The following ARHGEF11 variants were observed in gnomAD, a reference collection of about 807,000 sequenced individuals.
The protein encoded by ARHGEF11 is Rho guanine nucleotide exchange factor 11.
A neutral mutation model predicts 193.7 loss-of-function variants in ARHGEF11; 55 were observed. The observed-to-expected ratio is 0.28, with a 90% CI of 0.23 to 0.36. The LOEUF (loss-of-function observed/expected upper bound fraction) is 0.36, where lower values mean the gene tolerates loss of function less well. Among genes scored for constraint, ARHGEF11 ranks in the 10% least tolerant of loss-of-function variants. The probability of loss-of-function intolerance (pLI) is 1.00; values close to 1 mark genes in which losing one functional copy is unlikely to be tolerated. For missense variants in ARHGEF11, 1,723 were observed against 2,005.6 expected (o/e 0.86, Z 2.69); for synonymous variants, 693 against 768.0 (o/e 0.90, Z 1.62).
intron 1 of ARHGEF11, among the ~76,000 whole-genome samples, chr1:157,039,345 CTG>C (rs1421995020): frequency 2.0e-5 from 3 of 152,202 alleles, no homozygotes; most frequent in African/African-American, 7.2e-5. Flanking sequence ...AATAAGCAAA[CTG>C]AGGTCGAGGG....
intron 1 of ARHGEF11, among the ~76,000 whole-genome samples, chr1:156,999,258 G>A (rs1666921342): frequency 6.6e-6 from 1 of 152,184 alleles, no homozygotes; most frequent in Admixed American, 6.5e-5. Context: ...AGGAAAATGA[G>A]GTTCAGCTAA....
At chr1:156,945,298 T>G in intron 29 of ARHGEF11, 101 bp from the exon 30 acceptor site, 2 of 1,384,536 alleles carry the variant, frequency 1.4e-6, no homozygotes, top group Middle Eastern at 2.6e-4. Context: ...CTGGCTTGCT[T>G]CAAACCAGCA....
In ARHGEF11 at chr1:156,944,420, G is replaced by T. The variant is rs1215285681; in HGVS notation, c.3005C>A (p.Thr1002Lys). The change falls in exon 31 of 41, where the codon ACA becomes AAA. Residue 1002 changes from threonine (T) to lysine (K), a missense_variant. Physicochemically the swap from Thr to Lys is moderately conservative, Grantham distance 78 (BLOSUM62 -1). This residue lies in a region of ARHGEF11 where 491 missense variants were observed against 654.5 expected (regional missense o/e 0.75). Transcript: ENST00000368194. ...LAAEFKSLDL[T>K]TRKMIHEGPL... ...TCCCTCATGGATCATTTTTCTGGTTGTAAGATCCAGGCTCTGTTAAGGAGA... is the reference window on the plus strand; with the variant it reads ...TCCCTCATGGATCATTTTTCTGGTTTTAAGATCCAGGCTCTGTTAAGGAGA... 1.2e-6 allele frequency: 2 copies of T among 1,613,120 alleles called. No individual in the cohort carries two copies. Among genetic ancestry groups the T allele is most frequent in the East Asian group, 4.5e-5 (2 of 44,742 alleles).
At chr1:156,976,190 A>G (rs990926504) in intron 7 of ARHGEF11, among the ~76,000 whole-genome samples, 5 of 152,112 alleles carry the variant, frequency 3.3e-5, no homozygotes, top group Non-Finnish European at 5.9e-5. Flanking sequence ...TTGTATTTTC[A>G]TATCTTTGTG....
rs766385183 is a variant in ARHGEF11 at position 156,958,999 on chromosome 1, G to A, written c.1379+47C>T. 4.3e-6 allele frequency: 7 copies of A among 1,610,914 alleles called. No homozygotes were observed. In the African/African-American group the frequency reaches 8.0e-5, roughly 18 times the overall value. On this transcript the variant is annotated intron_variant, in intron 16 of 40. Coordinates refer to ENST00000368194, the MANE Select transcript of ARHGEF11 (RefSeq NM_198236.3). The stretch of plus-strand genomic sequence containing the variant: ...AGAGGGAAGGAGCCAGGGCCAAGAG[G>A]CGGAGGTGAACGAGGAGAGAGGTGG...
Position 156,986,140 on chromosome 1 carries a change from TG to T in ARHGEF11, c.65del (p.Ala22AspfsTer58). The T allele has an allele frequency of 6.2e-7, 1 of 1,613,936 alleles. No individual in the cohort carries two copies. Among genetic ancestry groups the T allele is most frequent in the Non-Finnish European group, 8.5e-7 (1 of 1,179,896 alleles). On this transcript the variant is annotated frameshift_variant, in exon 2 of 41. Transcript: ENST00000368194. LOFTEE classifies it high-confidence loss of function. Reference sequence around the variant, plus strand: ...GGTGGGAAGGGGACTTGCGCTCTGGTGCAGAATCTCCCAGAGAAGACAGGCT... The same window carrying T: ...GGTGGGAAGGGGACTTGCGCTCTGGTCAGAATCTCCCAGAGAAGACAGGCT... ...LSSLSSLGDS[A>X]PERKSPSHHR...
chr1:156,978,161 A>G (rs12141806), intron 6 of ARHGEF11, 43 bp downstream of exon 6: 10 of 1,612,084 alleles, frequency 6.2e-6, no homozygotes, highest in Non-Finnish European at 8.5e-6. Flanking sequence ...GAGCTTTTCA[A>G]CAGGACATTA....
chr1:156,961,866 T>C, intron 13 of ARHGEF11, 91 bp from the exon 14 acceptor site: 1 of 1,140,508 alleles, frequency 8.8e-7, no homozygotes, highest in East Asian at 2.4e-5. Flanking sequence ...CTGGAGACAT[T>C]TTTAGTTGTT....
chr1:157,031,255 T>G (rs1031420223), intron 1 of ARHGEF11, among the ~76,000 whole-genome samples: 2 of 152,060 alleles, frequency 1.3e-5, no homozygotes, highest in Non-Finnish European at 2.9e-5. Flanking sequence ...GGAAGGAGGA[T>G]CTTAACAAGG....
Position 156,947,779 on chromosome 1 carries a change from C to T in ARHGEF11, c.2331G>A (p.Glu777=), listed in dbSNP as rs1312551326. ...GLTQREIDRQ[E]VINELFVTEA... ...GGAGCACGTTCTCACCATTGATGAC[C>T]TCTTGCCGGTCAATCTCCCGCTGGG... The change falls in exon 25 of 41, where the codon GAG becomes GAA. Residue 777 remains glutamate, a synonymous_variant. Coordinates refer to ENST00000368194, the MANE Select transcript of ARHGEF11 (RefSeq NM_198236.3). 1 of 1,613,116 alleles carries T rather than the reference C, an allele frequency of 6.2e-7. No homozygotes were observed. The highest frequency in any genetic ancestry group is 1.3e-5 in the African/African-American group (1 of 74,904).
At chr1:157,016,769 T>C (rs1044607362) in intron 1 of ARHGEF11, among the ~76,000 whole-genome samples, 5 of 152,030 alleles carry the variant, frequency 3.3e-5, no homozygotes, top group African/African-American at 4.8e-5. Flanking sequence ...ATCCTACTCT[T>C]GTTTGAAATT....
intron 4 of ARHGEF11, among the ~76,000 whole-genome samples, chr1:156,979,798 GT>G (rs751530408): frequency 1.3e-4 from 20 of 152,192 alleles, no homozygotes; most frequent in Non-Finnish European, 2.6e-4. Flanking sequence ...TAGCCTATGA[GT>G]TTTCAAGGAC....
chr1:156,955,367 T>C (rs951001931), intron 20 of ARHGEF11, among the ~76,000 whole-genome samples: 19 of 152,166 alleles, frequency 1.2e-4, no homozygotes, highest in African/African-American at 3.9e-4. Context: ...GGACCAATTA[T>C]AGACCCTTGG....
intron 27 of ARHGEF11, 64 bp downstream of exon 27, chr1:156,946,872 G>T: frequency 6.2e-7 from 1 of 1,608,074 alleles, no homozygotes; most frequent in Non-Finnish European, 8.5e-7. Context: ...CTCTGGCCTT[G>T]GGTAATGAGA....
At position 156,986,123 on chromosome 1, in the gene ARHGEF11, G is replaced by T; in HGVS notation, c.83C>A (p.Pro28His). ...LGDSAPERKS[P>H]SHHRQPSDAS... ...ATCCGAAGGCTGGCGATGGTGGGAA[G>T]GGGACTTGCGCTCTGGTGCAGAATC... The change falls in exon 2 of 41, where the codon CCT (proline) becomes CAT (histidine). Residue 28 changes from proline to histidine, a missense_variant. Transcript: ENST00000368194. The T allele has an allele frequency of 6.2e-7, 1 of 1,614,024 alleles. No homozygotes were observed. The highest frequency in any genetic ancestry group is 1.1e-5 in the South Asian group (1 of 91,084).
chr1:156,995,069 C>T (rs1283112474), intron 1 of ARHGEF11, among the ~76,000 whole-genome samples: 1 of 152,180 alleles, frequency 6.6e-6, no homozygotes, highest in Non-Finnish European at 1.5e-5. Flanking sequence ...GACCTCCTAA[C>T]ATTTCTGAAA....
intron 1 of ARHGEF11, among the ~76,000 whole-genome samples, chr1:157,034,004 C>T (rs1671610794): frequency 6.6e-6 from 1 of 152,148 alleles, no homozygotes; most frequent in Non-Finnish European, 1.5e-5. Context: ...ATCCTTGATG[C>T]CTAGCACTAC....
chr1:156,937,242 C>G lies in ARHGEF11; in HGVS notation c.4440+7G>C, dbSNP rs773488750. On this transcript the variant is annotated splice_region_variant and intron_variant, in intron 39 of 40. Coordinates refer to ENST00000368194, the MANE Select transcript of ARHGEF11 (RefSeq NM_198236.3). ...GCCTGCAGGGACCCAAGCCCTGCTT[C>G]CCTCACCTTGAGCCTGTTGAGCTTG... is the stretch of plus-strand genomic sequence containing the variant. The G allele has an allele frequency of 8.1e-6, 13 of 1,611,334 alleles. No individual in the cohort carries two copies. Among genetic ancestry groups the G allele is most frequent in the Non-Finnish European group, 1.1e-5 (13 of 1,179,856 alleles).
chr1:156,943,128 T>G (rs1657414842), intron 32 of ARHGEF11, among the ~76,000 whole-genome samples: 1 of 150,390 alleles, frequency 6.6e-6, no homozygotes, highest in Non-Finnish European at 1.5e-5. Context: ...TGGTGCCATC[T>G]TGGCTCACTG....
Sources: gnomAD v4.1 joint callset for allele counts (sites outside exome capture counted in the v4.1 genomes callset) on GRCh38, gnomAD v4.1.1 for gene constraint, gnomAD v4.1.1 regional missense constraint, MANE v1.5 for transcripts, NCBI Gene and HGNC (gene_info 2026-07-23, HGNC 2026-07-21) for gene names.